PSMA1: variants seen among roughly 807,000 people sequenced by gnomAD.
PSMA1 encodes the protein proteasome subunit alpha type-1.
PSMA1 carries 3 observed loss-of-function variants against 38.4 expected under a neutral mutation model. The observed-to-expected ratio is 0.08, with a 90% CI of 0.04 to 0.20. The LOEUF (loss-of-function observed/expected upper bound fraction) is 0.20. PSMA1 is among the 10% of genes least tolerant of loss of function. PSMA1 has a pLI of 1.00. For missense variants in PSMA1, 227 were observed against 325.3 expected, an observed-to-expected ratio of 0.70 and a Z score of 2.32; for synonymous variants, 101 against 107.1, an observed-to-expected ratio of 0.94 and a Z score of 0.35.
chr11:14,610,785 T>G (rs1458375723), intron 2 of PSMA1: 2 of 598,758 alleles, frequency 3.3e-6, no homozygotes, highest in Non-Finnish European at 5.8e-6. Flanking sequence ...TTGCTGGATT[T>G]GAGCATCTTC....
intron 2 of PSMA1, among the ~76,000 whole-genome samples, chr11:14,596,254 A>G (rs1265934944): frequency 6.6e-6 from 1 of 152,234 alleles, no homozygotes; most frequent in Non-Finnish European, 1.5e-5. Flanking sequence ...TATGAACTTT[A>G]AAGTAATTTT....
chr11:14,573,964 AG>A lies in PSMA1; in HGVS notation c.21+37001del, dbSNP rs1205928474. 2.4e-4 allele frequency among the ~76,000 whole-genome samples: 36 copies of A among 152,334 alleles called. 1 individual carries two copies. Among genetic ancestry groups the A allele is most frequent in the Admixed American group, 2.3e-3 (35 of 15,310 alleles). ...TATCGGGCAGAAGAAATTTCTAAGC[AG>A]CAAAACATTCAAGAATTGCCCTGGC... On this transcript the variant is annotated intron_variant, in intron 2 of 10. Coordinates refer to the PSMA1 transcript ENST00000418988.
intron 2 of PSMA1, among the ~76,000 whole-genome samples, chr11:14,550,627 G>A (rs1851875029): frequency 6.6e-6 from 1 of 152,074 alleles, no homozygotes; most frequent in Admixed American, 6.6e-5. Flanking sequence ...GAAAAGAGAG[G>A]TAAGGCAAGC....
chr11:14,598,859 T>A (rs1453614247), intron 2 of PSMA1, among the ~76,000 whole-genome samples: 1 of 152,076 alleles, frequency 6.6e-6, no homozygotes, highest in African/African-American at 2.4e-5. Context: ...CAATTTGGCA[T>A]GTTTTTGCAG....
chr11:14,552,446 G>A (rs1465663086), intron 2 of PSMA1, among the ~76,000 whole-genome samples: 1 of 152,214 alleles, frequency 6.6e-6, no homozygotes, highest in Non-Finnish European at 1.5e-5. Context: ...TTGCACATCT[G>A]AAATTGCGGC....
intron 8 of PSMA1, 144 bp from the exon 9 acceptor site, chr11:14,507,910 AAAG>A: frequency 1.7e-6 from 1 of 595,766 alleles, no homozygotes; most frequent in Non-Finnish European, 2.9e-6. Context: ...GTAGGAGAAA[AAAG>A]AAGGAAACTA....
intron 1 of PSMA1, among the ~76,000 whole-genome samples, chr11:14,638,701 G>A (rs1006860684): frequency 7.9e-5 from 11 of 139,744 alleles, no homozygotes; most frequent in African/African-American, 3.0e-4. Flanking sequence ...GCTGCCTCCT[G>A]TAGATTGCTT....
chr11:14,637,704 T>A (rs536999090), intron 1 of PSMA1, among the ~76,000 whole-genome samples: 1 of 152,198 alleles, frequency 6.6e-6, no homozygotes, highest in Non-Finnish European at 1.5e-5. Context: ...ATATTATGTA[T>A]GCATTCCTTA....
At chr11:14,640,914 A>G (rs527984368) in intron 1 of PSMA1, among the ~76,000 whole-genome samples, 1 of 152,234 alleles carries the variant, frequency 6.6e-6, no homozygotes, top group African/African-American at 2.4e-5. Flanking sequence ...ATCCTGAGAA[A>G]TTAGAAAAAA....
intron 2 of PSMA1, among the ~76,000 whole-genome samples, chr11:14,575,332 C>T (rs948283336): frequency 1.3e-5 from 2 of 151,996 alleles, no homozygotes; most frequent in South Asian, 2.1e-4. Context: ...CATATGTATA[C>T]ATGTGCCATG....
intron 1 of PSMA1, among the ~76,000 whole-genome samples, chr11:14,630,367 A>T (rs1852986611): frequency 6.6e-6 from 1 of 152,200 alleles, no homozygotes; most frequent in Non-Finnish European, 1.5e-5. Context: ...GAGAGTTTTT[A>T]GCATGAAGGG....
chr11:14,548,218 T>C (rs1208536493), intron 2 of PSMA1, among the ~76,000 whole-genome samples: 1 of 152,210 alleles, frequency 6.6e-6, no homozygotes, highest in Non-Finnish European at 1.5e-5. Context: ...ACAGGACTAT[T>C]GCAGTAAGTG....
At chr11:14,560,452 G>A (rs1409819979) in intron 2 of PSMA1, among the ~76,000 whole-genome samples, 4 of 152,088 alleles carry the variant, frequency 2.6e-5, no homozygotes, top group Non-Finnish European at 5.9e-5. Context: ...TACCTGGTGG[G>A]TTTCTGGTTA....
At chr11:14,575,554 C>A (rs1231050566) in intron 2 of PSMA1, among the ~76,000 whole-genome samples, 2 of 152,140 alleles carry the variant, frequency 1.3e-5, no homozygotes, top group African/African-American at 4.8e-5. Context: ...ATGATGGTTT[C>A]CAGCTTCCTC....
At chr11:14,568,884 G>C in intron 2 of PSMA1, among the ~76,000 whole-genome samples, 1 of 152,276 alleles carries the variant, frequency 6.6e-6, no homozygotes, top group Non-Finnish European at 1.5e-5. Context: ...TCACCTGTGT[G>C]CCACAACTGG....
chr11:14,505,952 A>G (rs918840934), intron 9 of PSMA1, among the ~76,000 whole-genome samples: 2 of 152,298 alleles, frequency 1.3e-5, no homozygotes, highest in African/African-American at 2.4e-5. Flanking sequence ...TCAACCTTGC[A>G]GTGAGCTATG....
intron 1 of PSMA1, among the ~76,000 whole-genome samples, chr11:14,629,789 C>T (rs1244576870): frequency 2.0e-5 from 3 of 150,980 alleles, no homozygotes; most frequent in Admixed American, 1.3e-4. Context: ...ATTGATTCTT[C>T]CTACCCATGA....
chr11:14,520,332 CA>C lies in PSMA1; in HGVS notation c.-34del. Reference sequence around the variant, plus strand: ...GCGCGGGCCTGGTTGCGGCCTCCAGCAAAACTGAGAATCAAGGAGGTGCTGC... The same window carrying C: ...GCGCGGGCCTGGTTGCGGCCTCCAGCAAACTGAGAATCAAGGAGGTGCTGC... On this transcript the variant is annotated 5_prime_UTR_variant, in exon 1 of 10. Transcript: ENST00000396394. 6.2e-7 allele frequency: 1 copy of C among 1,614,146 alleles called. No individual in the cohort carries two copies. Among genetic ancestry groups the C allele is most frequent in the Non-Finnish European group, 8.5e-7 (1 of 1,180,012 alleles).
Position 14,513,875 on chromosome 11 carries a change from G to C in PSMA1, c.356C>G (p.Pro119Arg). ...TGGTCTCCGGCCATATCGTTGTGTT[G>C]GTATCTGGGTCTCTTAGACTGGTTA... ...VSLIGSKTQIPTQRYGRRPYG... is the reference protein window; with the variant it reads ...VSLIGSKTQIRTQRYGRRPYG... Residue 119 changes from proline to arginine, a missense_variant, in exon 6 of 10, where the codon CCA becomes CGA. Pro to Arg is a moderately radical substitution (Grantham distance 103). Transcript: ENST00000396394. 1 of 1,599,466 alleles carries C rather than the reference G, an allele frequency of 6.3e-7. No individual in the cohort carries two copies. The highest frequency in any genetic ancestry group is 1.1e-5 in the South Asian group (1 of 88,004).
Sources: allele counts gnomAD v4.1 joint callset (sites outside exome capture counted in the v4.1 genomes callset), GRCh38; gene constraint gnomAD v4.1.1; transcripts MANE v1.5; gene names NCBI Gene and HGNC (gene_info 2026-07-23, HGNC 2026-07-21).